Variants in PRSS57 observed in about 807,000 individuals in gnomAD.
PRSS57 encodes neutrophil serine protease 4.
Under a neutral mutation model 20.6 loss-of-function variants are expected in PRSS57, and 19 were observed. The ratio of observed to expected loss-of-function variants is 0.92; its 90% CI spans 0.64 to 1.35. The LOEUF (loss-of-function observed/expected upper bound fraction) is 1.35. Ranked by LOEUF, PRSS57 falls within the 40% of genes most tolerant of loss-of-function variation. The probability of loss-of-function intolerance (pLI) is 0.00; values close to 1 mark genes in which losing one functional copy is unlikely to be tolerated. For synonymous variants in PRSS57, 203 were observed against 176.6 expected (o/e 1.15, Z -1.19); for missense variants, 440 against 403.7 (o/e 1.09, Z -0.77).
chr19:695,410 G>A lies in PRSS57; in HGVS notation c.21C>T (p.Gly7=). 1 of 1,273,742 alleles carries A rather than the reference G, an allele frequency of 7.9e-7. No individual in the cohort carries two copies. The highest frequency in any genetic ancestry group is 1.0e-6 in the Non-Finnish European group (1 of 1,003,842). 78.9% of individuals were successfully genotyped at this position (1,273,742 alleles called of 1,614,324 possible). The change falls in exon 1 of 5, where the codon GGC becomes GGT. Residue 7 remains glycine, a synonymous_variant. Coordinates refer to ENST00000329267, the MANE Select transcript of PRSS57 (RefSeq NM_001308209.2). MGLGLR[G]WGRPLLTVAT... ...CCACAGTCAGCAGAGGACGTCCCCA[G>A]CCCCTCAACCCGAGCCCCATGGCAG...
In PRSS57 at chr19:691,958, C is replaced by T; in HGVS notation, c.278G>A (p.Ser93Asn). The change falls in exon 3 of 5, where the codon AGT (serine) becomes AAT (asparagine). Residue 93 changes from serine (S) to asparagine (N), a missense_variant. Ser to Asn is a conservative substitution (Grantham distance 46, BLOSUM62 1). Coordinates refer to ENST00000329267, the MANE Select transcript of PRSS57 (RefSeq NM_001308209.2). ...GLVVLGAHVL[S>N]TAEPTQQVFG... ...CACCTGCTGGGTGGGCTCCGCAGTA[C>T]TCAGGACGTGGGCGCCCAGCACCAC... 7.5e-7 allele frequency: 1 copy of T among 1,329,750 alleles called. No individual in the cohort carries two copies. The highest frequency in any genetic ancestry group is 9.7e-7 in the Non-Finnish European group (1 of 1,030,546). The allele number at this position is 1,329,750 out of a possible 1,614,324, so 82.4% of individuals were successfully genotyped here. A position where few individuals can be genotyped will look rare whatever the true frequency, so the allele number is the denominator to read the frequency against.
chr19:694,896 G>T lies in PRSS57; in HGVS notation c.151C>A (p.Arg51Ser). Residue 51 changes from arginine (R) to serine (S), a missense_variant, in exon 2 of 5, where the codon CGC becomes AGC. Arg to Ser is a moderately radical substitution (Grantham distance 110). Coordinates refer to ENST00000329267, the MANE Select transcript of PRSS57 (RefSeq NM_001308209.2). The stretch of plus-strand genomic sequence containing the variant: ...CCGCAGTGATGTTGGCCCCCGAAGC[G>T]CACGGATGCCATGTAGGGCCTGGAG... ...PHSRPYMASV[R>S]FGGQHHCGGF... 1.9e-6 allele frequency: 3 copies of T among 1,603,446 alleles called. No individual in the cohort carries two copies. Among genetic ancestry groups the T allele is most frequent in the Non-Finnish European group, 2.6e-6 (3 of 1,175,706 alleles).
chr19:686,317 G>C (rs76082297), intron 4 of PRSS57, among the ~76,000 whole-genome samples: 3,129 of 151,968 alleles, frequency 0.021, 114 homozygotes, highest in African/African-American at 0.072. Flanking sequence ...TCAGCTCAAA[G>C]GTGCTCTCCT....
rs1600665170 is a variant in PRSS57 at position 685,783 on chromosome 19, A to C, written c.782T>G (p.Val261Gly). Reference protein sequence around the residue: ...SAFVAWIWDVVRRSSPQPGPL... With the variant: ...SAFVAWIWDVGRRSSPQPGPL... ...GCCGGGCTGGGGACTGCTCCGCCGAACCACGTCCCAGATCCAGGCCACAAA... is the reference window on the plus strand; with the variant it reads ...GCCGGGCTGGGGACTGCTCCGCCGACCCACGTCCCAGATCCAGGCCACAAA... The change falls in exon 5 of 5, where the codon GTT (valine) becomes GGT (glycine). Residue 261 changes from valine to glycine, a missense_variant. Coordinates refer to ENST00000329267, the MANE Select transcript of PRSS57 (RefSeq NM_001308209.2). The C allele has an allele frequency of 1.3e-6, 2 of 1,566,492 alleles. No individual in the cohort carries two copies. Among genetic ancestry groups the C allele is most frequent in the Non-Finnish European group, 1.7e-6 (2 of 1,154,732 alleles).
chr19:688,616 T>TTTTTC (rs397814373), intron 3 of PRSS57, among the ~76,000 whole-genome samples: 1 of 145,850 alleles, frequency 6.9e-6, no homozygotes. Flanking sequence ...TTTTTTTTTT[T>TTTTTC]CAGATGGAGT....
At chr19:695,118 C>T (rs1184825060) in intron 1 of PRSS57, 151 bp from the exon 2 acceptor site, 14 of 794,384 alleles carry the variant, frequency 1.8e-5, no homozygotes, top group Non-Finnish European at 1.4e-5. Context: ...AGAGCCCAGA[C>T]AAGCCCCCCA....
At position 694,796 on chromosome 19, in the gene PRSS57, C is replaced by T. The variant is rs1393576424; in HGVS notation, c.233+18G>A. 6.3e-7 allele frequency: 1 copy of T among 1,598,750 alleles called. No individual in the cohort carries two copies. The highest frequency in any genetic ancestry group is 1.7e-5 in the Admixed American group (1 of 58,108). ...GGATACGGTGTCCAGAAAGAAGGGG[C>T]CCGACAGGTGAGCTCACCTGTGGCT... On this transcript the variant is annotated intron_variant, in intron 2 of 4. Coordinates refer to ENST00000329267, the MANE Select transcript of PRSS57 (RefSeq NM_001308209.2).
chr19:695,054 A>G (rs2144820448), intron 1 of PRSS57, 87 bp from the exon 2 acceptor site: 1 of 1,275,380 alleles, frequency 7.8e-7, no homozygotes, highest in Non-Finnish European at 1.0e-6. Flanking sequence ...AGTAGCGGCC[A>G]AGACAGAGAC....
chr19:687,645 A>T (rs2144808237), intron 3 of PRSS57, among the ~76,000 whole-genome samples: 1 of 152,178 alleles, frequency 6.6e-6, no homozygotes. Flanking sequence ...ACCTCAGGTG[A>T]TCCACCCACC....
chr19:693,889 G>A (rs1273129371), intron 2 of PRSS57, among the ~76,000 whole-genome samples: 3 of 152,088 alleles, frequency 2.0e-5, no homozygotes, highest in Admixed American at 6.6e-5. Context: ...ACAGGCGCCT[G>A]CCACCACATC....
chr19:694,805 T>C lies in PRSS57; in HGVS notation c.233+9A>G, dbSNP rs377717466. 1.3e-6 allele frequency: 2 copies of C among 1,599,506 alleles called. No individual in the cohort carries two copies. The highest frequency in any genetic ancestry group is 1.7e-6 in the Non-Finnish European group (2 of 1,174,068). On this transcript the variant is annotated intron_variant, in intron 2 of 4. Transcript: ENST00000329267. ...GTCCAGAAAGAAGGGGCCCGACAGG[T>C]GAGCTCACCTGTGGCTGAAGCAGTG...
Position 691,838 on chromosome 19 carries a change from G to T in PRSS57, c.378+20C>A, listed in dbSNP as rs2031656710. Reference sequence around the variant, plus strand: ...TGTCTCAAAAACTAAACATACGTCAGATCCACCCCCGGGGCTCACCCGCAG... The same window carrying T: ...TGTCTCAAAAACTAAACATACGTCATATCCACCCCCGGGGCTCACCCGCAG... On this transcript the variant is annotated intron_variant, in intron 3 of 4. Transcript: ENST00000329267. 3 of 1,323,932 alleles carry T rather than the reference G, an allele frequency of 2.3e-6. No individual in the cohort carries two copies. The highest frequency in any genetic ancestry group is 2.9e-6 in the Non-Finnish European group (3 of 1,026,870). The allele number at this position is 1,323,932 out of a possible 1,614,324, so 82.0% of individuals were successfully genotyped here.
chr19:694,936 G>C lies in PRSS57; in HGVS notation c.111C>G (p.His37Gln). The change falls in exon 2 of 5, where the codon CAC (histidine) becomes CAG (glutamine). Residue 37 changes from histidine to glutamine, a missense_variant. By Grantham distance (24) the His-to-Gln change is conservative. Coordinates refer to ENST00000329267, the MANE Select transcript of PRSS57 (RefSeq NM_001308209.2). ...AGGGCCTGGAGTGGGGGGTCACCTC[G>C]TGGCCCCCGATGATCTGGGCCCCCC... ...GSWGAQIIGG[H>Q]EVTPHSRPYM... is the part of the protein sequence containing the mutation. 3.2e-6 allele frequency: 5 copies of C among 1,577,016 alleles called. No homozygotes were observed. The South Asian group carries it at 4.6e-5, about 15-fold the overall frequency.
At position 685,742 on chromosome 19, in the gene PRSS57, TG is replaced by T; in HGVS notation, c.822del (p.Thr275ProfsTer61). On this transcript the variant is annotated frameshift_variant, in exon 5 of 5. Transcript: ENST00000329267. LOFTEE classifies it low-confidence loss of function (END_TRUNC). ...CAGGCGGCTTCTCCTGGGGGCCTGGTGGTCCCAGGCAGGGGGCCGGGCTGGG... is the reference window on the plus strand; with the variant it reads ...CAGGCGGCTTCTCCTGGGGGCCTGGTGTCCCAGGCAGGGGGCCGGGCTGGG... ...SSPQPGPLPG[T>X]TRPPGEAA 6.4e-7 allele frequency: 1 copy of T among 1,554,354 alleles called. No homozygotes were observed.
At chr19:692,483 C>G (rs1304153806) in intron 2 of PRSS57, among the ~76,000 whole-genome samples, 1 of 137,802 alleles carries the variant, frequency 7.3e-6, no homozygotes, top group African/African-American at 2.8e-5. Flanking sequence ...AGAGTGCAAT[C>G]GAGGCTTACT....
chr19:687,696 C>A lies in PRSS57; in HGVS notation c.379-508G>T, dbSNP rs187838518. Among the ~76,000 whole-genome samples, 506 of 152,246 alleles carry A rather than the reference C, an allele frequency of 3.3e-3. 5 individuals carry two copies. Among genetic ancestry groups the A allele is most frequent in the Admixed American group, 2.6e-3 (39 of 15,280 alleles). On this transcript the variant is annotated intron_variant, in intron 3 of 4. Transcript: ENST00000329267. The stretch of plus-strand genomic sequence containing the variant: ...GCTGGGATTACAGAGTGAGCCGCCG[C>A]GCCCAGCCTCAAAGAGTCTTTCAAA...
rs758613597 is a variant in PRSS57 at position 687,026 on chromosome 19, C to T, written c.541G>A (p.Val181Met). Reference protein sequence around the residue: ...PPGLMEAKVRVLDPDVCNSSW... With the variant: ...PPGLMEAKVRMLDPDVCNSSW... ...CTGTTGCAGACGTCCGGGTCCAGCA[C>T]TCGGACCTTGGCCTCCATCAGTCCA... The change falls in exon 4 of 5, where the codon GTG (valine) becomes ATG (methionine). Residue 181 changes from valine (V) to methionine (M), a missense_variant. Val to Met is a conservative substitution (Grantham distance 21, BLOSUM62 1). Transcript: ENST00000329267. 8 of 1,614,130 alleles carry T rather than the reference C, an allele frequency of 5.0e-6. No individual in the cohort carries two copies. In the South Asian group the frequency reaches 7.7e-5, roughly 16 times the overall value.
chr19:687,102 C>T lies in PRSS57; in HGVS notation c.465G>A (p.Arg155=), dbSNP rs749255310. The change falls in exon 4 of 5, where the codon CGG becomes CGA. Residue 155 remains arginine, a synonymous_variant. Transcript: ENST00000329267. ...RRARPPTAGT[R]CRVAGWGFVS... ...CGAAGCCCCAGCCAGCCACCCGGCA[C>T]CGTGTCCCCGCTGTGGGGGGCCTGG... 6.2e-7 allele frequency: 1 copy of T among 1,613,400 alleles called. No individual in the cohort carries two copies. The highest frequency in any genetic ancestry group is 2.2e-5 in the East Asian group (1 of 44,874).
Position 686,950 on chromosome 19 carries a change from TC to T in PRSS57, c.616del (p.Asp206ThrfsTer130), listed in dbSNP as rs2031491280. ...TLTMLCTRSG[D>X]SHRRGFCSAD... ...CGAGCAGAAGCCCCGTCTGTGGCTG[TC>T]CCCACTGCGGGTGCAGAGCATGGTA... On this transcript the variant is annotated frameshift_variant, in exon 4 of 5. Transcript: ENST00000329267. LOFTEE classifies it low-confidence loss of function (END_TRUNC). 2 of 1,614,014 alleles carry T rather than the reference TC, an allele frequency of 1.2e-6. No individual in the cohort carries two copies. Among genetic ancestry groups the T allele is most frequent in the East Asian group, 4.5e-5 (2 of 44,892 alleles).
Sources: gnomAD v4.1 joint callset for allele counts (sites outside exome capture counted in the v4.1 genomes callset) on GRCh38, gnomAD v4.1.1 for gene constraint, MANE v1.5 for transcripts, NCBI Gene and HGNC (gene_info 2026-07-23, HGNC 2026-07-21) for gene names.